The following PRR5 variants were observed in gnomAD, a reference collection of about 807,000 sequenced individuals.
The protein encoded by PRR5 is proline-rich protein 5.
PRR5 carries 25 observed loss-of-function variants against 30.6 expected under a neutral mutation model. The observed-to-expected ratio is 0.82, with a 90% CI of 0.60 to 1.14. PRR5 has a LOEUF of 1.14. Among genes scored for constraint, PRR5 ranks in the 50% most tolerant of loss-of-function variants. PRR5 has a pLI of 0.00. For synonymous variants in PRR5, 286 were observed against 247.1 expected, an observed-to-expected ratio of 1.16 and a Z score of -1.48; for missense variants, 600 against 547.1, an observed-to-expected ratio of 1.10 and a Z score of -0.96.
intron 4 of PRR5, chr22:44,731,292 T>G (rs547961190): frequency 1.6e-4 from 44 of 271,764 alleles, no homozygotes; most frequent in African/African-American, 9.0e-4. Context: ...TGTACCTACC[T>G]GTGCGGGTCT....
intron 1 of PRR5, among the ~76,000 whole-genome samples, chr22:44,696,554 A>G (rs1925761351): frequency 6.6e-6 from 1 of 152,104 alleles, no homozygotes; most frequent in Admixed American, 6.6e-5. Flanking sequence ...ACTGAAATCC[A>G]GAACAAAAGG....
intron 6 of PRR5, among the ~76,000 whole-genome samples, chr22:44,732,786 C>T (rs1367039165): frequency 3.8e-5 from 4 of 105,416 alleles, no homozygotes; most frequent in African/African-American, 5.7e-5. Flanking sequence ...TGTGCACGCA[C>T]ATACTACATG....
rs531799794 is a variant in PRR5, at chr22:44,737,287, T to C, written c.*40T>C. 3.4e-5 allele frequency: 53 copies of C among 1,563,690 alleles called. No homozygotes were observed. In the African/African-American group the frequency reaches 5.4e-4, roughly 16 times the overall value. ...CCTTGAGTTTTTACTGACACGTCCC[T>C]GTGTGCGGGGGTGTCCATGTGGCGT... On this transcript the variant is annotated 3_prime_UTR_variant, in exon 8 of 8. Coordinates refer to ENST00000336985, the MANE Select transcript of PRR5 (RefSeq NM_181333.4).
intron 2 of PRR5, among the ~76,000 whole-genome samples, chr22:44,722,333 G>A (rs991614834): frequency 3.9e-5 from 6 of 152,226 alleles, no homozygotes; most frequent in Non-Finnish European, 1.5e-5. Context: ...TGTGAACGGA[G>A]GCCTGTGACT....
intron 4 of PRR5, chr22:44,730,632 C>T (rs1362332796): frequency 1.9e-6 from 2 of 1,026,686 alleles, no homozygotes; most frequent in South Asian, 3.6e-5. Flanking sequence ...CAAGATGTGT[C>T]CCCATACCAC....
At chr22:44,678,969 C>T (rs947517578) in intron 1 of PRR5, among the ~76,000 whole-genome samples, 2 of 152,164 alleles carry the variant, frequency 1.3e-5, no homozygotes, top group African/African-American at 4.8e-5. Flanking sequence ...GATGGATGGT[C>T]AGCTGGACAG....
chr22:44,685,986 G>A (rs772136643), intron 1 of PRR5, among the ~76,000 whole-genome samples: 9 of 152,048 alleles, frequency 5.9e-5, no homozygotes, highest in Non-Finnish European at 1.3e-4. Flanking sequence ...CCGGCATGGT[G>A]GCTCACGTCT....
At chr22:44,678,251 C>T (rs1342476646) in intron 1 of PRR5, among the ~76,000 whole-genome samples, 1 of 151,980 alleles carries the variant, frequency 6.6e-6, no homozygotes, top group Non-Finnish European at 1.5e-5. Flanking sequence ...CTCCTCTGGG[C>T]CTTCCTCCTG....
intron 1 of PRR5, among the ~76,000 whole-genome samples, chr22:44,692,738 C>T (rs939017908): frequency 2.0e-5 from 3 of 152,342 alleles, no homozygotes; most frequent in East Asian, 1.9e-4. Flanking sequence ...GAGTGCAGCC[C>T]GGGAGTCCGT....
chr22:44,722,776 G>A (rs1465246186), intron 2 of PRR5, among the ~76,000 whole-genome samples: 1 of 152,166 alleles, frequency 6.6e-6, no homozygotes, highest in African/African-American at 2.4e-5. Flanking sequence ...CTGACTCCTG[G>A]TGGCCAGGGG....
intron 2 of PRR5, among the ~76,000 whole-genome samples, chr22:44,718,173 G>A (rs972187731): frequency 5.4e-5 from 8 of 147,806 alleles, no homozygotes; most frequent in African/African-American, 2.0e-4. Flanking sequence ...AATTTGTGTG[G>A]ATGCACGTTT....
At chr22:44,693,616 CTTTTTTTT>C (rs1228023916) in intron 1 of PRR5, among the ~76,000 whole-genome samples, 5,681 of 90,318 alleles carry the variant, frequency 0.063, 263 homozygotes, top group African/African-American at 0.15. Context: ...TTCACATGGA[CTTTTTTTT>C]TTTTTTTTTT....
Position 44,726,601 on chromosome 22 carries a change from G to A in PRR5, c.289G>A (p.Val97Met). ...LQNQLLTKGM[V>M]ILRDKIRFYE... ...GAACCAGCTGCTGACAAAAGGCATG[G>A]TGATCCTTCGGGACAAGATTCGCTT... Residue 97 changes from valine (V) to methionine (M), a missense_variant, in exon 4 of 8, where the codon GTG becomes ATG. Val to Met is a conservative substitution (Grantham distance 21). Transcript: ENST00000336985. 1 of 1,614,142 alleles carries A rather than the reference G, an allele frequency of 6.2e-7. No individual in the cohort carries two copies. Among genetic ancestry groups the A allele is most frequent in the South Asian group, 1.1e-5 (1 of 91,084 alleles).
chr22:44,711,734 A>G (rs1928271219), intron 1 of PRR5, among the ~76,000 whole-genome samples: 1 of 152,002 alleles, frequency 6.6e-6, no homozygotes, highest in Non-Finnish European at 1.5e-5. Context: ...TTGGGAAGGC[A>G]CCTCTGAACC....
At chr22:44,670,177 C>A (rs1923343842) in intron 1 of PRR5, among the ~76,000 whole-genome samples, 1 of 152,182 alleles carries the variant, frequency 6.6e-6, no homozygotes, top group Admixed American at 6.5e-5. Context: ...GCGAAGAGGA[C>A]CAAGAAGGGC....
In PRR5 at chr22:44,691,420, G is replaced by A. The variant is rs1925228641; in HGVS notation, c.-10-11072G>A. Among the ~76,000 whole-genome samples, 1 of 152,138 alleles carries A rather than the reference G, an allele frequency of 6.6e-6. No individual in the cohort carries two copies. Among genetic ancestry groups the A allele is most frequent in the African/African-American group, 2.4e-5 (1 of 41,446 alleles). ...GGGCACAGCATGTACTCAGCGGTGG[G>A]GACCCTGCCCTAGACTCAGTGCCCC... On this transcript the variant is annotated intron_variant, in intron 1 of 8. Transcript: ENST00000006251. The surrounding 1 kb of genome is among the most constrained non-coding windows in gnomAD (Gnocchi z 4.4).
intron 2 of PRR5, among the ~76,000 whole-genome samples, chr22:44,718,137 CGCT>C (rs1005864416): frequency 7.1e-4 from 107 of 151,410 alleles, no homozygotes; most frequent in African/African-American, 2.4e-3. Flanking sequence ...TGATGAATAA[CGCT>C]GCTGTGAACA....
At position 44,732,308 on chromosome 22, in the gene PRR5, C is replaced by G; in HGVS notation, c.472C>G (p.Leu158Val). 2.5e-6 allele frequency: 4 copies of G among 1,612,436 alleles called. No homozygotes were observed. The South Asian group carries it at 4.4e-5, about 18-fold the overall frequency. ...ALLHFRNAITLSVKLEDALAR... is the reference protein window; with the variant it reads ...ALLHFRNAITVSVKLEDALAR... ...GCTGCACTTCCGGAATGCCATCACCCTCAGTGTGAAGCTAGAGGATGCGCT... is the reference window on the plus strand; with the variant it reads ...GCTGCACTTCCGGAATGCCATCACCGTCAGTGTGAAGCTAGAGGATGCGCT... Residue 158 changes from leucine to valine, a missense_variant, in exon 6 of 8, where the codon CTC becomes GTC. Transcript: ENST00000336985.
chr22:44,724,193 T>C (rs1462312485), intron 2 of PRR5, among the ~76,000 whole-genome samples: 1 of 152,188 alleles, frequency 6.6e-6, no homozygotes, highest in East Asian at 1.9e-4. Context: ...CCCAACACTT[T>C]GGGAGGCCAA....
Sources: allele counts gnomAD v4.1 joint callset (sites outside exome capture counted in the v4.1 genomes callset), GRCh38; gene constraint gnomAD v4.1.1; non-coding constraint Gnocchi (gnomAD v3.1); transcripts MANE v1.5; gene names NCBI Gene and HGNC (gene_info 2026-07-23, HGNC 2026-07-21).